TOP1MT: variants seen among roughly 807,000 people sequenced by gnomAD.
TOP1MT encodes DNA topoisomerase I mitochondrial, also known as DNA topoisomerase I, mitochondrial.
A neutral mutation model predicts 73.9 loss-of-function variants in TOP1MT; 80 were observed. The observed-to-expected ratio is 1.08, with a 90% CI of 0.90 to 1.30. TOP1MT has a LOEUF of 1.30. Ranked by LOEUF, TOP1MT falls within the 50% of genes most tolerant of loss-of-function variation. The probability of loss-of-function intolerance (pLI) is 0.00; values close to 1 mark genes in which losing one functional copy is unlikely to be tolerated. For missense variants in TOP1MT, 815 were observed against 808.0 expected, an observed-to-expected ratio of 1.01 and a Z score of -0.10; for synonymous variants, 338 against 326.4, an observed-to-expected ratio of 1.04 and a Z score of -0.38.
At chr8:143,356,712 G>A (rs916721303), upstream of TOP1MT, among the ~76,000 whole-genome samples, 3 of 146,362 alleles carry the variant, frequency 2.0e-5, no homozygotes, top group Non-Finnish European at 3.0e-5. Flanking sequence ...ATTGAACCCA[G>A]GAGGCAGAAG....
chr8:143,309,343 G>T lies in TOP1MT; in HGVS notation c.*98C>A. On this transcript the variant is annotated 3_prime_UTR_variant, in exon 14 of 14. Transcript: ENST00000329245. ...GGGGACTTTTTCTAGTGATGTACAA[G>T]CACTTGCACACATTTTATTGTACAA... The T allele has an allele frequency of 7.6e-7, 1 of 1,315,390 alleles. No homozygotes were observed. Among genetic ancestry groups the T allele is most frequent in the Non-Finnish European group, 1.1e-6 (1 of 948,224 alleles). 81.5% of individuals were successfully genotyped at this position (1,315,390 alleles called of 1,614,324 possible). A position where few individuals can be genotyped will look rare whatever the true frequency, so the allele number is the denominator to read the frequency against.
intron 2 of TOP1MT, 135 bp from the exon 3 acceptor site, chr8:143,329,606 G>C: frequency 3.8e-6 from 4 of 1,055,486 alleles, no homozygotes; most frequent in Non-Finnish European, 5.4e-6. Flanking sequence ...TCTTCTGTAA[G>C]TTCAGAAGCA....
chr8:143,349,815 AT>A (rs1475771242), upstream of TOP1MT, among the ~76,000 whole-genome samples: 1 of 152,010 alleles, frequency 6.6e-6, no homozygotes, highest in Non-Finnish European at 1.5e-5. Flanking sequence ...TAATTTTTGT[AT>A]TTTTAGTAGA....
upstream of TOP1MT, among the ~76,000 whole-genome samples, chr8:143,357,921 CAAA>C (rs912716417): frequency 1.0e-5 from 1 of 98,488 alleles, no homozygotes. Flanking sequence ...AACTCCGTCT[CAAA>C]AAAAAAAAAA....
intron 8 of TOP1MT, 128 bp downstream of exon 8, chr8:143,321,073 G>T: frequency 2.1e-6 from 2 of 952,734 alleles, no homozygotes; most frequent in Non-Finnish European, 3.1e-6. Context: ...CCCCGGCACA[G>T]CAGGCCTCAC....
chr8:143,323,268 A>T (rs1437803853), intron 7 of TOP1MT, among the ~76,000 whole-genome samples: 26 of 86,264 alleles, frequency 3.0e-4, no homozygotes, highest in Middle Eastern at 9.1e-3. Flanking sequence ...ACACACATGC[A>T]CGCCACACAC....
At chr8:143,311,381 C>A (rs1396034507) in intron 12 of TOP1MT, among the ~76,000 whole-genome samples, 1 of 152,018 alleles carries the variant, frequency 6.6e-6, no homozygotes, top group African/African-American at 2.4e-5. Context: ...ATTTCCTTCG[C>A]ACACGCCACC....
At chr8:143,353,202 C>T (rs1374401234) in intron 1 of TOP1MT, among the ~76,000 whole-genome samples, 2 of 152,172 alleles carry the variant, frequency 1.3e-5, no homozygotes, top group Non-Finnish European at 2.9e-5. Context: ...ATCACTTGAG[C>T]CCACAAGTTT....
At chr8:143,321,861 T>C (rs111206426) in intron 7 of TOP1MT, among the ~76,000 whole-genome samples, 675 of 15,064 alleles carry the variant, frequency 0.045, 35 homozygotes, top group African/African-American at 0.1. Flanking sequence ...CACACACGCA[T>C]GCCACACGCA....
At chr8:143,349,394 C>T (rs897861025), upstream of TOP1MT, among the ~76,000 whole-genome samples, 6 of 148,386 alleles carry the variant, frequency 4.0e-5, no homozygotes, top group African/African-American at 1.5e-4. Flanking sequence ...GTTGGAACAA[C>T]CTACCTGACC....
At chr8:143,315,141 C>T (rs6982982) in intron 12 of TOP1MT, among the ~76,000 whole-genome samples, 3,122 of 152,192 alleles carry the variant, frequency 0.021, 111 homozygotes, top group African/African-American at 0.072. Flanking sequence ...GAAGACTCTA[C>T]TCCTCCACCT....
chr8:143,328,423 A>G, intron 3 of TOP1MT: 1 of 385,876 alleles, frequency 2.6e-6, no homozygotes, highest in East Asian at 7.2e-5. Context: ...CTGAAATGAC[A>G]CGTCAGTACA....
Position 143,322,928 on chromosome 8 carries a change from CCA to C in TOP1MT, c.960+1069_960+1070del, listed in dbSNP as rs142406861. Among the ~76,000 whole-genome samples, 590 of 97,474 alleles carry C rather than the reference CCA, an allele frequency of 6.1e-3. 17 individuals carry two copies. Among genetic ancestry groups the C allele is most frequent in the African/African-American group, 8.1e-3 (173 of 21,472 alleles). 63.9% of individuals were successfully genotyped at this position (97,474 alleles called of 152,430 possible). On this transcript the variant is annotated intron_variant, in intron 7 of 13. Coordinates refer to ENST00000329245, the MANE Select transcript of TOP1MT (RefSeq NM_052963.3). ...CACACACGCACGCCACACACGCACG[CCA>C]CACACAGGCACGCCACACACGCCAC...
chr8:143,332,089 G>A (rs1410081659), intron 1 of TOP1MT, among the ~76,000 whole-genome samples: 1 of 152,166 alleles, frequency 6.6e-6, no homozygotes, highest in Non-Finnish European at 1.5e-5. Context: ...GGGGGACACA[G>A]CCAGCGTGGC....
At chr8:143,319,298 T>C (rs1266181220) in intron 8 of TOP1MT, among the ~76,000 whole-genome samples, 1 of 152,080 alleles carries the variant, frequency 6.6e-6, no homozygotes, top group African/African-American at 2.4e-5. Context: ...TTTTTATTTT[T>C]TTTTTTAATT....
At chr8:143,322,008 T>G (rs1184652025) in intron 7 of TOP1MT, among the ~76,000 whole-genome samples, 2 of 24,896 alleles carry the variant, frequency 8.0e-5, no homozygotes, top group South Asian at 1.9e-3. Context: ...GCCACACACA[T>G]GCACGCCACA....
chr8:143,350,679 G>A (rs1030048585), intron 1 of TOP1MT, among the ~76,000 whole-genome samples: 3 of 152,178 alleles, frequency 2.0e-5, no homozygotes, highest in Non-Finnish European at 4.4e-5. Context: ...AATATCCACG[G>A]AGTGCTCAAA....
chr8:143,318,944 A>G (rs1202251588), intron 8 of TOP1MT, among the ~76,000 whole-genome samples: 1 of 152,094 alleles, frequency 6.6e-6, no homozygotes, highest in Non-Finnish European at 1.5e-5. Context: ...TCTACATCAC[A>G]TGCATTCCGT....
At chr8:143,316,162 G>A (rs750728582) in intron 10 of TOP1MT, 36 bp from the exon 11 acceptor site, 1 of 1,613,448 alleles carries the variant, frequency 6.2e-7, no homozygotes, top group Non-Finnish European at 8.5e-7. Flanking sequence ...AGCACCCACG[G>A]GGCCGGCCAC....
Sources: gnomAD v4.1 joint callset for allele counts (sites outside exome capture counted in the v4.1 genomes callset) on GRCh38, gnomAD v4.1.1 for gene constraint, MANE v1.5 for transcripts, NCBI Gene and HGNC (gene_info 2026-07-23, HGNC 2026-07-21) for gene names.